Variants in PITPNM2 observed in about 807,000 individuals in gnomAD.
PITPNM2 encodes phosphatidylinositol transfer protein membrane associated 2.
In PITPNM2, 35 loss-of-function variants were observed where a neutral mutation model predicts 132.2. The observed-to-expected ratio is 0.26, with a 90% CI of 0.20 to 0.35. The LOEUF is 0.35. PITPNM2 is among the 10% of genes least tolerant of loss of function. The probability of loss-of-function intolerance (pLI) is 1.00; values close to 1 mark genes in which losing one functional copy is unlikely to be tolerated. For synonymous variants in PITPNM2, 738 were observed against 799.2 expected, an observed-to-expected ratio of 0.92 and a Z score of 1.29; for missense variants, 1,332 against 1,912.0, an observed-to-expected ratio of 0.70 and a Z score of 5.66.
At chr12:123,048,633 C>T (rs566853733) in intron 2 of PITPNM2, among the ~76,000 whole-genome samples, 94 of 150,864 alleles carry the variant, frequency 6.2e-4, no homozygotes, top group African/African-American at 2.0e-3. Context: ...AGGATGGTCT[C>T]GATCTCCTGA....
intron 4 of PITPNM2, 44 bp from the exon 5 acceptor site, chr12:123,012,778 G>A (rs1478879474): frequency 1.2e-6 from 2 of 1,606,330 alleles, no homozygotes; most frequent in South Asian, 1.1e-5. Context: ...TCCTTGGAGA[G>A]GCCCAGTGTC....
At chr12:123,100,551 G>C in intron 2 of PITPNM2, among the ~76,000 whole-genome samples, 1 of 152,062 alleles carries the variant, frequency 6.6e-6, no homozygotes, top group East Asian at 1.9e-4. Flanking sequence ...ACTTGAGCCT[G>C]GTAGGCGGAA....
At chr12:122,988,628 G>C in intron 19 of PITPNM2, 96 bp downstream of exon 19, 1 of 1,300,644 alleles carries the variant, frequency 7.7e-7, no homozygotes, top group Non-Finnish European at 1.1e-6. Flanking sequence ...GATGGGGTTG[G>C]AGAGGAGTCC....
intron 2 of PITPNM2, among the ~76,000 whole-genome samples, chr12:123,055,825 G>A (rs1195991722): frequency 1.3e-5 from 2 of 152,006 alleles, no homozygotes; most frequent in African/African-American, 2.4e-5. Context: ...AGGGCAGAGG[G>A]AACGGTGACT....
chr12:123,124,228 G>C (rs2043091596), intron 1 of PITPNM2, among the ~76,000 whole-genome samples: 1 of 152,060 alleles, frequency 6.6e-6, no homozygotes, highest in Non-Finnish European at 1.5e-5. Flanking sequence ...CTGCAGTCCA[G>C]CCTGGGCGAC....
intron 2 of PITPNM2, chr12:123,075,484 T>G (rs1437647830): frequency 6.6e-6 from 1 of 152,244 alleles, no homozygotes; most frequent in African/African-American, 2.4e-5. Flanking sequence ...CTTCACTGGC[T>G]TCGTGGGGTC....
intron 1 of PITPNM2, among the ~76,000 whole-genome samples, chr12:123,118,834 T>A (rs1181750950): frequency 6.6e-6 from 1 of 152,254 alleles, no homozygotes; most frequent in African/African-American, 2.4e-5. Flanking sequence ...AATATTTACA[T>A]ACCATACCAC....
At position 123,115,500 on chromosome 12, in the gene PITPNM2, C is replaced by T. The variant is rs1026046554; in HGVS notation, c.-199-5012G>A. Among the ~76,000 whole-genome samples the T allele has an allele frequency of 2.6e-5, 4 of 152,178 alleles. No individual in the cohort carries two copies. In the South Asian group the frequency reaches 8.3e-4, roughly 32 times the overall value. On this transcript the variant is annotated intron_variant, in intron 1 of 25. Coordinates refer to ENST00000320201, the MANE Select transcript of PITPNM2 (RefSeq NM_020845.3). The stretch of plus-strand genomic sequence containing the variant: ...AGAAACTGAACAAGCCTTGCTGAAC[C>T]ATGCAGAAGTTGATGGAGGGAAAAA...
Position 122,994,968 on chromosome 12 carries a change from C to A in PITPNM2, c.2066G>T (p.Ser689Ile). Residue 689 changes from serine to isoleucine, a missense_variant, in exon 15 of 26, where the codon AGC becomes ATC. Ser to Ile is a moderately radical substitution (Grantham distance 142). Transcript: ENST00000320201. This position sits in a 1 kb window ranked among gnomAD's most constrained non-coding sequence, Gnocchi z 5.4. The part of the protein sequence containing the change: ...HQAFLSSLHA[S>I]VLRTEPCSRH... ...TGAGCAGGGCTCAGTCCTCAGCACG[C>A]TGGCATGGAGGCTGCAGACCCAAAT... 1 of 1,606,954 alleles carries A rather than the reference C, an allele frequency of 6.2e-7. No individual in the cohort carries two copies. The highest frequency in any genetic ancestry group is 1.7e-5 in the Admixed American group (1 of 59,398).
At chr12:123,139,255 C>T (rs1309810853) in intron 1 of PITPNM2, among the ~76,000 whole-genome samples, 1 of 152,152 alleles carries the variant, frequency 6.6e-6, no homozygotes, top group African/African-American at 2.4e-5. Flanking sequence ...AATCCCAGCA[C>T]TTTGGGAGGC....
chr12:122,991,977 C>A, intron 16 of PITPNM2: 1 of 1,237,676 alleles, frequency 8.1e-7, no homozygotes, highest in South Asian at 3.4e-5. Flanking sequence ...GACACAGAGA[C>A]TCAGGGCTCC....
At chr12:123,070,621 T>C (rs533062117) in intron 2 of PITPNM2, among the ~76,000 whole-genome samples, 11 of 152,286 alleles carry the variant, frequency 7.2e-5, no homozygotes, top group African/African-American at 2.6e-4. Context: ...GAGCTGCCCA[T>C]GGGATGGGCT....
chr12:122,992,792 G>T lies in PITPNM2; in HGVS notation c.2234-123C>A. 1.4e-6 allele frequency: 1 copy of T among 693,364 alleles called. No homozygotes were observed. Among genetic ancestry groups the T allele is most frequent in the Non-Finnish European group, 2.4e-6 (1 of 424,342 alleles). The allele number at this position is 693,364 out of a possible 1,614,324, so 43.0% of individuals were successfully genotyped here. ...AAGTTAGGGATAAGATGGGGGGTGT[G>T]TCTCTATCAATTTGGGACCTGTTTG... On this transcript the variant is annotated intron_variant, in intron 15 of 25. Transcript: ENST00000320201. This position sits in a 1 kb window ranked among gnomAD's most constrained non-coding sequence, Gnocchi z 6.5.
At chr12:123,020,195 A>T (rs1025060679) in intron 3 of PITPNM2, among the ~76,000 whole-genome samples, 5 of 152,118 alleles carry the variant, frequency 3.3e-5, no homozygotes, top group Non-Finnish European at 7.4e-5. Context: ...ATCTCGGCTC[A>T]CTGCAACCTC....
chr12:123,145,162 AG>A, intron 1 of PITPNM2, among the ~76,000 whole-genome samples: 1 of 152,284 alleles, frequency 6.6e-6, no homozygotes, highest in Middle Eastern at 3.4e-3. Context: ...GGAGACAGAG[AG>A]AGACCCTGTC....
chr12:123,057,270 C>G (rs1488072286), intron 2 of PITPNM2, among the ~76,000 whole-genome samples: 1 of 151,564 alleles, frequency 6.6e-6, no homozygotes, highest in Admixed American at 6.6e-5. Flanking sequence ...ATCCCAACTA[C>G]TCGGGAGGCT....
At position 123,031,344 on chromosome 12, in the gene PITPNM2, A is replaced by C. The variant is rs2040080109; in HGVS notation, c.78+3169T>G. Among the ~76,000 whole-genome samples, 1 of 152,108 alleles carries C rather than the reference A, an allele frequency of 6.6e-6. No individual in the cohort carries two copies. Among genetic ancestry groups the C allele is most frequent in the African/African-American group, 2.4e-5 (1 of 41,412 alleles). On this transcript the variant is annotated intron_variant, in intron 3 of 25. Transcript: ENST00000320201. This position sits in a 1 kb window ranked among gnomAD's most constrained non-coding sequence, Gnocchi z 4.5. ...AATATCTTGGAGCTCATTTTGTTGG[A>C]GCTCGGACTGGGGGCTGTGGAGGCC...
intron 1 of PITPNM2, among the ~76,000 whole-genome samples, chr12:123,124,772 C>T (rs983112523): frequency 1.3e-5 from 2 of 151,980 alleles, no homozygotes; most frequent in African/African-American, 2.4e-5. Context: ...CTTTTCACTT[C>T]GGTACCAAGT....
chr12:123,016,357 C>T (rs2039425828), intron 3 of PITPNM2, among the ~76,000 whole-genome samples: 1 of 150,334 alleles, frequency 6.7e-6, no homozygotes, highest in Non-Finnish European at 1.5e-5. Context: ...CGCTCTGTCA[C>T]CAGGCTGGAG....
Sources: allele counts gnomAD v4.1 joint callset (sites outside exome capture counted in the v4.1 genomes callset), GRCh38; gene constraint gnomAD v4.1.1; non-coding constraint Gnocchi (gnomAD v3.1); transcripts MANE v1.5; gene names NCBI Gene and HGNC (gene_info 2026-07-23, HGNC 2026-07-21).